The following SV2C variants were observed in gnomAD, a reference collection of about 807,000 sequenced individuals.
The protein encoded by SV2C is synaptic vesicle glycoprotein 2C, also known as solute carrier family 22 member B3.
Under a neutral mutation model 79.7 loss-of-function variants are expected in SV2C, and 49 were observed. That is an observed-to-expected ratio of 0.61 (90% CI 0.49 to 0.78). The LOEUF is 0.78. Ranked by LOEUF, SV2C falls within the 30% of genes least tolerant of loss-of-function variation. The pLI is 0.00. For synonymous variants in SV2C, 334 were observed against 333.2 expected, an observed-to-expected ratio of 1.00 and a Z score of -0.03; for missense variants, 833 against 912.9, an observed-to-expected ratio of 0.91 and a Z score of 1.13.
At chr5:76,074,227 T>C in the SV2C span, among the ~76,000 whole-genome samples, 1 of 152,232 alleles carries the variant, frequency 6.6e-6, no homozygotes, top group Admixed American at 6.5e-5. Flanking sequence ...TCTGGGAAGC[T>C]GTACTTCTTT....
chr5:75,899,511 G>T, the SV2C span, among the ~76,000 whole-genome samples: 1 of 152,140 alleles, frequency 6.6e-6, no homozygotes, highest in Admixed American at 6.5e-5. Flanking sequence ...TGGAATAGGT[G>T]TGGTGTGGTG....
intron 2 of SV2C, among the ~76,000 whole-genome samples, chr5:76,172,683 T>C (rs1426502595): frequency 1.8e-3 from 152 of 85,642 alleles, no homozygotes; most frequent in Non-Finnish European, 2.7e-3. Flanking sequence ...TGGGAGACTT[T>C]TCATTTTGTT....
intron 4 of SV2C, among the ~76,000 whole-genome samples, chr5:76,247,857 G>T (rs2112433306): frequency 6.6e-6 from 1 of 152,230 alleles, no homozygotes; most frequent in African/African-American, 2.4e-5. Context: ...AAGATTACAT[G>T]CATGCTAATA....
At chr5:76,193,039 C>T (rs147940197) in intron 2 of SV2C, among the ~76,000 whole-genome samples, 62 of 152,244 alleles carry the variant, frequency 4.1e-4, no homozygotes, top group Admixed American at 7.8e-4. Flanking sequence ...CACTGCTGTT[C>T]GGGTGCACAC....
At chr5:75,973,069 T>G in the SV2C span, among the ~76,000 whole-genome samples, 2 of 151,772 alleles carry the variant, frequency 1.3e-5, no homozygotes, top group Non-Finnish European at 2.9e-5. Flanking sequence ...AGCAAACTAT[T>G]GCAAGGACAA....
At chr5:76,057,329 T>C in the SV2C span, among the ~76,000 whole-genome samples, 50 of 152,068 alleles carry the variant, frequency 3.3e-4, no homozygotes, top group African/African-American at 1.1e-3. Context: ...GCTGCACCCA[T>C]TAACTCATCA....
At chr5:75,885,003 G>A in the SV2C span, among the ~76,000 whole-genome samples, 1 of 152,004 alleles carries the variant, frequency 6.6e-6, no homozygotes, top group Non-Finnish European at 1.5e-5. Flanking sequence ...TAGAATAAAG[G>A]CTATTTTGAG....
chr5:76,306,685 A>G (rs999795465), intron 12 of SV2C, among the ~76,000 whole-genome samples: 1 of 152,242 alleles, frequency 6.6e-6, no homozygotes, highest in Non-Finnish European at 1.5e-5. Flanking sequence ...ATAGGCACAT[A>G]TAAATGATAA....
the SV2C span, among the ~76,000 whole-genome samples, chr5:76,000,252 G>A: frequency 6.6e-6 from 1 of 151,898 alleles, no homozygotes; most frequent in Admixed American, 6.6e-5. Context: ...CATTTCCCAG[G>A]TACCCACCCC....
the SV2C span, among the ~76,000 whole-genome samples, chr5:75,880,054 G>A: frequency 3.3e-5 from 5 of 152,362 alleles, no homozygotes; most frequent in South Asian, 1.0e-3. Flanking sequence ...GAAGTAGCAA[G>A]GGTATGGGGA....
chr5:75,960,566 A>G, the SV2C span, among the ~76,000 whole-genome samples: 1 of 152,058 alleles, frequency 6.6e-6, no homozygotes, highest in African/African-American at 2.4e-5. Context: ...GCAATAGGCT[A>G]TCCCATATAG....
chr5:76,095,164 T>G (rs1045473574), intron 1 of SV2C, among the ~76,000 whole-genome samples: 1 of 152,058 alleles, frequency 6.6e-6, no homozygotes, highest in Non-Finnish European at 1.5e-5. Context: ...ATTAACAGAC[T>G]TTATATTTTT....
the SV2C span, among the ~76,000 whole-genome samples, chr5:76,002,695 A>G: frequency 6.6e-6 from 1 of 152,196 alleles, no homozygotes; most frequent in Non-Finnish European, 1.5e-5. Context: ...CTGGCCAAGC[A>G]TTGATAGTTA....
chr5:75,932,026 T>G, the SV2C span, among the ~76,000 whole-genome samples: 1 of 152,184 alleles, frequency 6.6e-6, no homozygotes, highest in African/African-American at 2.4e-5. Flanking sequence ...GTTGCTCACT[T>G]CATTCCCATC....
At chr5:75,967,919 C>T in the SV2C span, among the ~76,000 whole-genome samples, 1 of 152,192 alleles carries the variant, frequency 6.6e-6, no homozygotes, top group East Asian at 1.9e-4. Flanking sequence ...GGAGGCACCC[C>T]CCAGTAGGGG....
At chr5:76,028,034 C>T in the SV2C span, among the ~76,000 whole-genome samples, 29,468 of 152,046 alleles carry the variant, frequency 0.19, 3,144 homozygotes, top group East Asian at 0.44. Flanking sequence ...CTCTGTGCAG[C>T]ATTCTCCTCT....
intron 4 of SV2C, among the ~76,000 whole-genome samples, chr5:76,235,810 TA>T (rs1248438214): frequency 6.6e-6 from 1 of 152,178 alleles, no homozygotes; most frequent in Non-Finnish European, 1.5e-5. Context: ...ACTTACTTAG[TA>T]CATTTCATTA....
the SV2C span, among the ~76,000 whole-genome samples, chr5:75,948,744 C>T: frequency 2.5e-4 from 38 of 151,962 alleles, no homozygotes; most frequent in African/African-American, 9.2e-4. Context: ...TGGTATGTTC[C>T]AGGAATAGCA....
the SV2C span, chr5:75,910,382 TC>T: frequency 1.7e-6 from 1 of 578,432 alleles, no homozygotes; most frequent in South Asian, 1.4e-5. Flanking sequence ...CTCATGACTA[TC>T]CCACTCACTG....
Sources: allele counts gnomAD v4.1 joint callset (sites outside exome capture counted in the v4.1 genomes callset), GRCh38; gene constraint gnomAD v4.1.1; transcripts MANE v1.5; gene names NCBI Gene and HGNC (gene_info 2026-07-23, HGNC 2026-07-21).